The following DGKB variants were observed in gnomAD, a reference collection of about 807,000 sequenced individuals.
The protein encoded by DGKB is diacylglycerol kinase beta.
DGKB carries 67 observed loss-of-function variants against 114.3 expected under a neutral mutation model. The observed-to-expected ratio is 0.59, with a 90% CI of 0.48 to 0.72. The LOEUF is 0.72. DGKB is among the 30% of genes least tolerant of loss of function. The pLI is 0.00. For synonymous variants in DGKB, 398 were observed against 323.1 expected (o/e 1.23, Z -2.49); for missense variants, 907 against 975.2 (o/e 0.93, Z 0.93).
chr7:14,594,108 A>G (rs1477186705), intron 17 of DGKB, among the ~76,000 whole-genome samples: 1 of 152,054 alleles, frequency 6.6e-6, no homozygotes, highest in African/African-American at 2.4e-5. Context: ...TCTTTAAACT[A>G]ACTTTGTTGT....
At chr7:14,395,428 C>A (rs1323591725) in intron 21 of DGKB, among the ~76,000 whole-genome samples, 1 of 151,676 alleles carries the variant, frequency 6.6e-6, no homozygotes, top group East Asian at 1.9e-4. Flanking sequence ...ACCTGTTACA[C>A]AATATTTTGA....
chr7:14,201,147 G>A (rs1785805927), intron 23 of DGKB, among the ~76,000 whole-genome samples: 1 of 151,912 alleles, frequency 6.6e-6, no homozygotes, highest in African/African-American at 2.4e-5. Flanking sequence ...GTCTGGTGAG[G>A]GCCTGTTTCC....
At chr7:14,188,998 T>C (rs1354440974) in intron 23 of DGKB, among the ~76,000 whole-genome samples, 2 of 152,132 alleles carry the variant, frequency 1.3e-5, no homozygotes, top group African/African-American at 4.8e-5. Flanking sequence ...GCTAAGGGAA[T>C]TCATTACCAT....
intron 21 of DGKB, among the ~76,000 whole-genome samples, chr7:14,404,691 A>G (rs771874644): frequency 6.6e-6 from 1 of 151,348 alleles, no homozygotes; most frequent in Admixed American, 6.6e-5. Context: ...TTCTCACTCA[A>G]TCCCTCCCTT....
chr7:14,178,408 A>G lies in DGKB; in HGVS notation c.2123-257T>C, dbSNP rs568993059. On this transcript the variant is annotated intron_variant, in intron 23 of 25. Transcript: ENST00000402815. ...AAGCACAGATTCTGAGCCAAATAAT[A>G]CCAAAAAAAAAAAAAAAAAACCCAG... Among the ~76,000 whole-genome samples the G allele has an allele frequency of 3.0e-3, 320 of 107,238 alleles. 2 individuals carry two copies. Among genetic ancestry groups the G allele is most frequent in the African/African-American group, 0.019 (308 of 16,314 alleles). The allele number at this position is 107,238 out of a possible 152,430, so 70.4% of individuals were successfully genotyped here.
chr7:14,454,256 T>A (rs1831953137), intron 21 of DGKB, among the ~76,000 whole-genome samples: 7 of 152,156 alleles, frequency 4.6e-5, no homozygotes, highest in Admixed American at 3.9e-4. Context: ...TATCTAAGTA[T>A]ATTTTTGTAC....
At chr7:14,372,497 C>T (rs1219947978) in intron 21 of DGKB, among the ~76,000 whole-genome samples, 1 of 152,022 alleles carries the variant, frequency 6.6e-6, no homozygotes, top group African/African-American at 2.4e-5. Context: ...TCACTTGTGA[C>T]AACAAGTAGC....
upstream of DGKB, among the ~76,000 whole-genome samples, chr7:14,906,298 C>G (rs1783700088): frequency 6.6e-6 from 1 of 151,848 alleles, no homozygotes; most frequent in African/African-American, 2.4e-5. Context: ...TCAAGGATTA[C>G]AAGCAAGACA....
intron 21 of DGKB, among the ~76,000 whole-genome samples, chr7:14,398,620 G>C (rs372938210): frequency 2.0e-5 from 3 of 152,026 alleles, no homozygotes; most frequent in South Asian, 4.2e-4. Context: ...ATCTACAGAA[G>C]TAAAAGATTT....
intron 21 of DGKB, among the ~76,000 whole-genome samples, chr7:14,373,271 C>T (rs766926281): frequency 9.2e-5 from 14 of 152,244 alleles, no homozygotes; most frequent in Non-Finnish European, 1.5e-4. Context: ...CTTGGTGTAA[C>T]GCTTCCTAAC....
rs201780788 is a variant in DGKB at position 14,950,631 on chromosome 7, AG to A, written c.-188+24064del. 2.0e-4 allele frequency among the ~76,000 whole-genome samples: 30 copies of A among 152,158 alleles called. No individual in the cohort carries two copies. In the East Asian group the frequency reaches 5.6e-3, roughly 29 times the overall value. On this transcript the variant is annotated intron_variant, in intron 1 of 4. Transcript: ENST00000437998. ...AATCAAGTACAAAAATTACTTAAAA[AG>A]AAAAGTCCAGGCATGCATTTCTTCA... is the stretch of plus-strand genomic sequence containing the variant.
At chr7:14,310,748 T>C (rs1410075999) in intron 23 of DGKB, among the ~76,000 whole-genome samples, 1 of 152,200 alleles carries the variant, frequency 6.6e-6, no homozygotes, top group Non-Finnish European at 1.5e-5. Context: ...CCAGTCCTTT[T>C]CCAACAGGAC....
chr7:14,370,251 G>A (rs954992829), intron 21 of DGKB, among the ~76,000 whole-genome samples: 3 of 152,108 alleles, frequency 2.0e-5, no homozygotes, highest in African/African-American at 4.8e-5. Flanking sequence ...AAGATCAGAT[G>A]GTTGTAGATG....
At chr7:14,455,116 C>T (rs941832676) in intron 21 of DGKB, among the ~76,000 whole-genome samples, 5 of 151,968 alleles carry the variant, frequency 3.3e-5, no homozygotes, top group Non-Finnish European at 7.4e-5. Context: ...TTTCTATAAA[C>T]TCTGTTTAGA....
intron 1 of DGKB, among the ~76,000 whole-genome samples, chr7:14,942,568 G>T (rs1290069663): frequency 3.9e-5 from 6 of 151,920 alleles, no homozygotes; most frequent in Admixed American, 1.3e-4. Context: ...AGTAATTACA[G>T]CTTCAGGCTG....
intron 23 of DGKB, among the ~76,000 whole-genome samples, chr7:14,337,025 G>C (rs559449673): frequency 3.3e-5 from 5 of 152,080 alleles, no homozygotes; most frequent in African/African-American, 1.2e-4. Context: ...AGGAAGCAAG[G>C]AGTACATACG....
At chr7:14,486,225 T>G (rs1041644765) in intron 20 of DGKB, among the ~76,000 whole-genome samples, 3 of 152,190 alleles carry the variant, frequency 2.0e-5, no homozygotes, top group Admixed American at 2.0e-4. Flanking sequence ...CTTGGGAAAG[T>G]AGTAGCTATA....
At chr7:14,516,945 GA>G (rs143854884) in intron 20 of DGKB, among the ~76,000 whole-genome samples, 6,186 of 151,452 alleles carry the variant, frequency 0.041, 397 homozygotes, top group African/African-American at 0.14. Context: ...CATGGAATTA[GA>G]AAAAAAAAAT....
At chr7:14,518,604 T>A (rs796241419) in intron 20 of DGKB, among the ~76,000 whole-genome samples, 7 of 152,108 alleles carry the variant, frequency 4.6e-5, no homozygotes, top group African/African-American at 1.4e-4. Flanking sequence ...AAAAAATAAG[T>A]TTTTGGCTTC....
Sources: gnomAD v4.1 joint callset for allele counts (sites outside exome capture counted in the v4.1 genomes callset) on GRCh38, gnomAD v4.1.1 for gene constraint, MANE v1.5 for transcripts, NCBI Gene and HGNC (gene_info 2026-07-23, HGNC 2026-07-21) for gene names.